The following SLC16A7 variants were observed in gnomAD, a reference collection of about 807,000 sequenced individuals.
SLC16A7 encodes solute carrier family 16 member 7.
Under a neutral mutation model 34.9 loss-of-function variants are expected in SLC16A7, and 33 were observed. The observed-to-expected ratio is 0.94, with a 90% confidence interval of 0.72 to 1.26. The LOEUF (loss-of-function observed/expected upper bound fraction) is 1.26. SLC16A7 is among the 50% of genes most tolerant of loss of function. The probability of loss-of-function intolerance (pLI) is 0.00; values close to 1 mark genes in which losing one functional copy is unlikely to be tolerated. For missense variants in SLC16A7, 573 were observed against 578.1 expected, an observed-to-expected ratio of 0.99 and a Z score of 0.09; for synonymous variants, 201 against 206.6, an observed-to-expected ratio of 0.97 and a Z score of 0.23.
intron 2 of SLC16A7, among the ~76,000 whole-genome samples, chr12:59,696,018 G>A (rs146423454): frequency 1.1e-3 from 161 of 151,614 alleles, no homozygotes; most frequent in African/African-American, 3.8e-3. Context: ...TATTTTCATT[G>A]TCAGTGGATA....
chr12:59,692,565 A>C (rs548315189), intron 2 of SLC16A7, among the ~76,000 whole-genome samples: 1 of 152,106 alleles, frequency 6.6e-6, no homozygotes, highest in East Asian at 1.9e-4. Context: ...CTGTATTAGA[A>C]ATCAGGGGAA....
intron 3 of SLC16A7, among the ~76,000 whole-genome samples, chr12:59,715,456 G>T (rs560419449): frequency 3.3e-4 from 50 of 152,246 alleles, no homozygotes; most frequent in African/African-American, 1.2e-3. Flanking sequence ...CAGCACTTCA[G>T]CATTATGCTT....
At chr12:59,649,984 A>C (rs541143751) in intron 1 of SLC16A7, among the ~76,000 whole-genome samples, 1 of 152,256 alleles carries the variant, frequency 6.6e-6, no homozygotes, top group African/African-American at 2.4e-5. Flanking sequence ...TAAAAATATT[A>C]GTAAAAATTT....
At chr12:59,600,125 A>G (rs964214774) in intron 1 of SLC16A7, among the ~76,000 whole-genome samples, 1 of 152,260 alleles carries the variant, frequency 6.6e-6, no homozygotes, top group Non-Finnish European at 1.5e-5. Context: ...TTGGTTGTAA[A>G]CATTAAATGA....
rs191334163 is a variant in SLC16A7 at position 59,609,132 on chromosome 12, C to T, written c.-130+12896C>T. 4.2e-4 allele frequency among the ~76,000 whole-genome samples: 64 copies of T among 152,266 alleles called. 2 individuals carry two copies. The highest frequency in any genetic ancestry group is 1.3e-3 in the African/African-American group (55 of 41,548). On this transcript the variant is annotated intron_variant, in intron 1 of 5. Transcript: ENST00000547379. ...AGGGAAGAATCACCGAGTGAGTTCC[C>T]GGTATCCCTATGTGGTACAGATGCT... is the stretch of plus-strand genomic sequence containing the variant.
chr12:59,666,762 C>G (rs184414675), intron 2 of SLC16A7, among the ~76,000 whole-genome samples: 1 of 152,148 alleles, frequency 6.6e-6, no homozygotes, highest in African/African-American at 2.4e-5. Flanking sequence ...ATAAGTTACC[C>G]AGTCTTGGAT....
chr12:59,669,115 C>T (rs1869456005), intron 2 of SLC16A7, among the ~76,000 whole-genome samples: 1 of 152,074 alleles, frequency 6.6e-6, no homozygotes, highest in African/African-American at 2.4e-5. Context: ...TACCAGTTCT[C>T]ATTTAGATAC....
At chr12:59,623,105 T>C (rs1879772186) in intron 1 of SLC16A7, among the ~76,000 whole-genome samples, 1 of 150,762 alleles carries the variant, frequency 6.6e-6, no homozygotes, top group African/African-American at 2.4e-5. Flanking sequence ...TGTATGTGCA[T>C]ATGTATATAT....
chr12:59,681,692 G>A (rs1870761804), intron 2 of SLC16A7, among the ~76,000 whole-genome samples: 1 of 152,128 alleles, frequency 6.6e-6, no homozygotes, highest in South Asian at 2.1e-4. Flanking sequence ...AAATGTTACT[G>A]AACATAGTAT....
At chr12:59,774,325 A>G (rs940802007) in intron 4 of SLC16A7, among the ~76,000 whole-genome samples, 2 of 152,192 alleles carry the variant, frequency 1.3e-5, no homozygotes, top group Non-Finnish European at 2.9e-5. Flanking sequence ...AAAGGATCTG[A>G]GGAATTAAAT....
At chr12:59,739,099 TA>T (rs1251488745) in intron 3 of SLC16A7, among the ~76,000 whole-genome samples, 5 of 151,616 alleles carry the variant, frequency 3.3e-5, no homozygotes, top group Admixed American at 1.3e-4. Context: ...TGTGCAGGTT[TA>T]GTTACATGTG....
intron 2 of SLC16A7, among the ~76,000 whole-genome samples, chr12:59,676,515 T>C (rs1411109820): frequency 6.6e-6 from 1 of 152,116 alleles, no homozygotes; most frequent in Admixed American, 6.5e-5. Context: ...CATTTTTTCA[T>C]TCAAGCATAC....
chr12:59,724,174 T>C lies in SLC16A7; in HGVS notation c.217+19156T>C, dbSNP rs369298068. 2.0e-5 allele frequency among the ~76,000 whole-genome samples: 3 copies of C among 152,080 alleles called. No homozygotes were observed. In the East Asian group the frequency reaches 5.8e-4, roughly 29 times the overall value. On this transcript the variant is annotated intron_variant, in intron 3 of 5. Transcript: ENST00000547379. ...AGTGCAGAGCAGCTTCTGTTAGATC[T>C]TCAGCAGAATACAGGTTTTGTGTGT...
chr12:59,684,336 G>A (rs540943606), intron 2 of SLC16A7, among the ~76,000 whole-genome samples: 88 of 152,282 alleles, frequency 5.8e-4, no homozygotes, highest in Non-Finnish European at 1.2e-3. Context: ...TAGCATGAGA[G>A]GGACTCCTTT....
At chr12:59,770,130 A>G (rs948770093) in intron 3 of SLC16A7, among the ~76,000 whole-genome samples, 2 of 152,150 alleles carry the variant, frequency 1.3e-5, no homozygotes, top group African/African-American at 2.4e-5. Flanking sequence ...ACTTTTTTAG[A>G]CTTAAATGCA....
chr12:59,701,791 T>C (rs946664554), intron 2 of SLC16A7, among the ~76,000 whole-genome samples: 9 of 151,772 alleles, frequency 5.9e-5, no homozygotes, highest in African/African-American at 2.2e-4. Flanking sequence ...TATTTTAAAA[T>C]ATGGGTTTAA....
At position 59,768,070 on chromosome 12, in the gene SLC16A7, T is replaced by A. The variant is rs1283532281; in HGVS notation, c.218-3149T>A. The A allele has an allele frequency of 1.6e-5, 7 of 434,428 alleles. No individual in the cohort carries two copies. The East Asian group carries it at 4.9e-4, about 30-fold the overall frequency. The allele number at this position is 434,428 out of a possible 1,614,324, so 26.9% of individuals were successfully genotyped here. A position where few individuals can be genotyped will look rare whatever the true frequency, so the allele number is the denominator to read the frequency against. ...AACAAACCTGCACGTTGTGCACATG[T>A]ACCCTAGAACTTAAAGCATAATAAA... On this transcript the variant is annotated intron_variant, in intron 3 of 5. Transcript: ENST00000547379.
At chr12:59,680,437 G>C (rs1266718756) in intron 2 of SLC16A7, among the ~76,000 whole-genome samples, 1 of 152,082 alleles carries the variant, frequency 6.6e-6, no homozygotes, top group Non-Finnish European at 1.5e-5. Context: ...ATTGTGTTCT[G>C]GATTGAGAAG....
At chr12:59,620,104 T>C (rs549369369) in intron 1 of SLC16A7, among the ~76,000 whole-genome samples, 2 of 152,030 alleles carry the variant, frequency 1.3e-5, no homozygotes, top group African/African-American at 4.8e-5. Flanking sequence ...AACAACACTC[T>C]GCAGCTGAGT....
Sources: gnomAD v4.1 joint callset for allele counts (sites outside exome capture counted in the v4.1 genomes callset) on GRCh38, gnomAD v4.1.1 for gene constraint, MANE v1.5 for transcripts, NCBI Gene and HGNC (gene_info 2026-07-23, HGNC 2026-07-21) for gene names.